The following AFF1 variants were observed in gnomAD, a reference collection of about 807,000 sequenced individuals.
The protein encoded by AFF1 is AF4/FMR2 family member 1.
Under a neutral mutation model 121.7 loss-of-function variants are expected in AFF1, and 48 were observed. That is an observed-to-expected ratio of 0.39 (90% CI 0.31 to 0.50). The LOEUF is 0.50. AFF1 is among the 20% of genes least tolerant of loss of function. AFF1 has a pLI of 0.76. For synonymous variants in AFF1, 613 were observed against 563.0 expected, an observed-to-expected ratio of 1.09 and a Z score of -1.26; for missense variants, 1,523 against 1,511.7, an observed-to-expected ratio of 1.01 and a Z score of -0.12.
At chr4:87,020,376 ATTC>A (rs1287061114) in intron 2 of AFF1, among the ~76,000 whole-genome samples, 1 of 152,174 alleles carries the variant, frequency 6.6e-6, no homozygotes, top group Non-Finnish European at 1.5e-5. Flanking sequence ...TTATTTCTGT[ATTC>A]TTATTTTGTC....
intron 8 of AFF1, among the ~76,000 whole-genome samples, 184 bp from the exon 9 acceptor site, chr4:87,105,444 G>A (rs753594621): frequency 3.3e-5 from 5 of 152,036 alleles, no homozygotes; most frequent in Non-Finnish European, 7.4e-5. Flanking sequence ...AATTGTATTC[G>A]TACATTGTAA....
chr4:87,030,195 C>A (rs1486416903), intron 2 of AFF1, among the ~76,000 whole-genome samples: 5 of 151,802 alleles, frequency 3.3e-5, no homozygotes, highest in East Asian at 1.9e-4. Flanking sequence ...CAGGGGTCAA[C>A]AAACCTTTTC....
intron 2 of AFF1, among the ~76,000 whole-genome samples, chr4:87,045,755 G>A (rs1287693154): frequency 2.0e-5 from 3 of 152,024 alleles, no homozygotes; most frequent in Non-Finnish European, 2.9e-5. Context: ...CCAGGAAAAC[G>A]GCCTTTCTAA....
chr4:87,044,943 A>G (rs1730521392), intron 2 of AFF1, among the ~76,000 whole-genome samples: 1 of 152,216 alleles, frequency 6.6e-6, no homozygotes, highest in African/African-American at 2.4e-5. Flanking sequence ...TTTATTCTGC[A>G]GTAGTAAAGA....
At chr4:86,976,065 T>C (rs766994447) in intron 2 of AFF1, among the ~76,000 whole-genome samples, 1 of 152,104 alleles carries the variant, frequency 6.6e-6, no homozygotes, top group African/African-American at 2.4e-5. Flanking sequence ...TATAATACAG[T>C]GTGTTAAGTT....
intron 2 of AFF1, among the ~76,000 whole-genome samples, chr4:87,007,667 C>T (rs1726303932): frequency 6.6e-6 from 1 of 152,148 alleles, no homozygotes; most frequent in African/African-American, 2.4e-5. Flanking sequence ...AGTTAGATAG[C>T]CCCCTTCTTC....
At chr4:86,936,887 A>G (rs1031388184) in intron 1 of AFF1, among the ~76,000 whole-genome samples, 2 of 152,246 alleles carry the variant, frequency 1.3e-5, no homozygotes, top group African/African-American at 4.8e-5. Context: ...GCAACAAAAT[A>G]CATAAGTAGT....
Position 86,946,889 on chromosome 4 carries a change from G to A in AFF1, c.-36-1609G>A, listed in dbSNP as rs547254751. Among the ~76,000 whole-genome samples the A allele has an allele frequency of 3.9e-5, 6 of 152,228 alleles. No homozygotes were observed. The South Asian group carries it at 1.2e-3, about 32-fold the overall frequency. ...TGCTATTGGGTTGCAAGCAGGTTGA[G>A]CATCTTCACTGGGAGGGTAATGTGG... is the stretch of plus-strand genomic sequence containing the variant. On this transcript the variant is annotated intron_variant, in intron 1 of 20. Coordinates refer to ENST00000395146, the MANE Select transcript of AFF1 (RefSeq NM_001166693.3).
chr4:87,019,759 A>AG (rs1478061180), intron 2 of AFF1, among the ~76,000 whole-genome samples: 1 of 152,114 alleles, frequency 6.6e-6, no homozygotes, highest in East Asian at 1.9e-4. Flanking sequence ...TTAAACGTTA[A>AG]GTAGGTGTTT....
chr4:87,006,252 G>T lies in AFF1; in HGVS notation c.39-39914G>T, dbSNP rs1298697624. On this transcript the variant is annotated intron_variant, in intron 2 of 20. Transcript: ENST00000395146. Reference sequence around the variant, plus strand: ...TAAGAGTCTTCAGCTCCTCCGGTGTGCTGGTCCCTATGAGATGCTGAAGCA... The same window carrying T: ...TAAGAGTCTTCAGCTCCTCCGGTGTTCTGGTCCCTATGAGATGCTGAAGCA... 3.9e-5 allele frequency among the ~76,000 whole-genome samples: 6 copies of T among 152,176 alleles called. No individual in the cohort carries two copies. In the East Asian group the frequency reaches 1.2e-3, roughly 29 times the overall value.
Position 87,010,300 on chromosome 4 carries a change from T to A in AFF1, c.39-35866T>A, listed in dbSNP as rs340634. Among the ~76,000 whole-genome samples, 391 of 152,328 alleles carry A rather than the reference T, an allele frequency of 2.6e-3. 1 individual carries two copies. The highest frequency in any genetic ancestry group is 6.8e-3 in the Middle Eastern group (2 of 294). The stretch of plus-strand genomic sequence containing the variant: ...AATTTAGATTTTTGGGGGTCATATT[T>A]TGAAAACAATAAGTATTTGGTTTAT... On this transcript the variant is annotated intron_variant, in intron 2 of 20. Coordinates refer to ENST00000395146, the MANE Select transcript of AFF1 (RefSeq NM_001166693.3).
intron 2 of AFF1, among the ~76,000 whole-genome samples, chr4:86,961,431 C>T (rs1210338922): frequency 6.6e-6 from 1 of 152,096 alleles, no homozygotes; most frequent in African/African-American, 2.4e-5. Context: ...CACAGATCCC[C>T]TCTAGCTGAC....
chr4:87,073,052 G>A (rs1388574219), intron 4 of AFF1, among the ~76,000 whole-genome samples: 6 of 150,970 alleles, frequency 4.0e-5, no homozygotes, highest in Non-Finnish European at 8.8e-5. Flanking sequence ...AGATTCAGTG[G>A]GATTAGTAAG....
intron 2 of AFF1, among the ~76,000 whole-genome samples, chr4:87,030,156 T>A (rs1162980175): frequency 6.6e-6 from 1 of 152,094 alleles, no homozygotes; most frequent in Non-Finnish European, 1.5e-5. Flanking sequence ...AATCACCCCT[T>A]GTGTTTCTTA....
intron 17 of AFF1, 91 bp from the exon 18 acceptor site, chr4:87,131,702 A>G (rs1728843580): frequency 8.8e-7 from 1 of 1,137,232 alleles, no homozygotes; most frequent in Admixed American, 2.7e-5. Flanking sequence ...CTTCTTCAGG[A>G]AAAGTCAATA....
intron 2 of AFF1, among the ~76,000 whole-genome samples, chr4:87,013,090 C>G (rs943421472): frequency 5.4e-5 from 7 of 130,436 alleles, no homozygotes; most frequent in African/African-American, 2.1e-4. Flanking sequence ...GTTGCCCAGG[C>G]TGGAGTGCAA....
At chr4:87,051,668 C>T (rs1015565308) in intron 4 of AFF1, among the ~76,000 whole-genome samples, 1 of 151,964 alleles carries the variant, frequency 6.6e-6, no homozygotes, top group Admixed American at 6.6e-5. Flanking sequence ...CGAGGTTTCA[C>T]CATGTTGGCC....
At chr4:86,945,985 A>G (rs1271363681) in intron 1 of AFF1, among the ~76,000 whole-genome samples, 1 of 152,132 alleles carries the variant, frequency 6.6e-6, no homozygotes, top group African/African-American at 2.4e-5. Flanking sequence ...ATTGGCTCAC[A>G]TTGTACATTT....
chr4:86,995,281 T>TCTCC (rs1246720827), intron 2 of AFF1, among the ~76,000 whole-genome samples: 5 of 36,254 alleles, frequency 1.4e-4, no homozygotes, highest in African/African-American at 2.6e-4. Flanking sequence ...CCCCTCCCCC[T>TCTCC]CTCCCTCCCC....
Sources: allele counts gnomAD v4.1 joint callset (sites outside exome capture counted in the v4.1 genomes callset), GRCh38; gene constraint gnomAD v4.1.1; transcripts MANE v1.5; gene names NCBI Gene and HGNC (gene_info 2026-07-23, HGNC 2026-07-21).